TIA1: variants seen among roughly 807,000 people sequenced by gnomAD.
TIA1 encodes TIA1 cytotoxic granule associated RNA binding protein.
TIA1 carries 23 observed loss-of-function variants against 65.9 expected under a neutral mutation model. The observed-to-expected ratio is 0.35, with a 90% CI of 0.25 to 0.49. The LOEUF (loss-of-function observed/expected upper bound fraction) is 0.49, where lower values mean the gene tolerates loss of function less well. Ranked by LOEUF, TIA1 falls within the 20% of genes least tolerant of loss-of-function variation. TIA1 has a pLI of 0.98. For missense variants in TIA1, 371 were observed against 477.9 expected, an observed-to-expected ratio of 0.78 and a Z score of 2.09; for synonymous variants, 147 against 149.4, an observed-to-expected ratio of 0.98 and a Z score of 0.12.
At chr2:70,222,497 G>T (rs1241443018) in intron 7 of TIA1, among the ~76,000 whole-genome samples, 2 of 152,190 alleles carry the variant, frequency 1.3e-5, no homozygotes, top group Non-Finnish European at 2.9e-5. Flanking sequence ...TAGAACATAG[G>T]AAGAGAGGCT....
At chr2:70,213,448 G>A (rs1677183617) in intron 12 of TIA1, among the ~76,000 whole-genome samples, 3 of 149,832 alleles carry the variant, frequency 2.0e-5, no homozygotes, top group East Asian at 2.0e-4. Flanking sequence ...AGGCTCAAGC[G>A]ATTCTCCTAC....
At chr2:70,228,360 T>A in intron 5 of TIA1, 1 of 1,287,574 alleles carries the variant, frequency 7.8e-7, no homozygotes, top group Non-Finnish European at 1.0e-6. Context: ...TTGCAACAGT[T>A]TGATGTTAAA....
Position 70,216,978 on chromosome 2 carries a change from A to G in TIA1, c.491T>C (p.Ile164Thr). The change falls in exon 8 of 13, where the codon ATT (isoleucine) becomes ACT (threonine). Residue 164 changes from isoleucine (I) to threonine (T), a missense_variant. By Grantham distance (89) the Ile-to-Thr change is moderately conservative. Coordinates refer to ENST00000433529, the MANE Select transcript of TIA1 (RefSeq NM_022173.4). ...FFNKWDAENA[I>T]QQMGGQWLGG... ...AAGCCACTGGCCACCCATCTGTTGA[A>G]TGGCGTTTTCAGCATCCTGTTCCGT... The G allele has an allele frequency of 6.2e-7, 1 of 1,613,224 alleles. No individual in the cohort carries two copies. The highest frequency in any genetic ancestry group is 8.5e-7 in the Non-Finnish European group (1 of 1,179,682).
At chr2:70,235,482 T>C (rs1255718058) in intron 2 of TIA1, among the ~76,000 whole-genome samples, 1 of 152,002 alleles carries the variant, frequency 6.6e-6, no homozygotes, top group Non-Finnish European at 1.5e-5. Flanking sequence ...GGGGTAAATG[T>C]TCCCTAAATG....
intron 2 of TIA1, among the ~76,000 whole-genome samples, chr2:70,233,347 T>C (rs1160104820): frequency 1.3e-5 from 2 of 152,218 alleles, no homozygotes; most frequent in Non-Finnish European, 2.9e-5. Flanking sequence ...AAGTTTAATA[T>C]ATTGGGACTA....
intron 7 of TIA1, among the ~76,000 whole-genome samples, chr2:70,219,208 G>C (rs572187824): frequency 6.6e-6 from 1 of 152,250 alleles, no homozygotes; most frequent in Admixed American, 6.5e-5. Flanking sequence ...TGAAAAATGG[G>C]TAAAGGAATA....
At chr2:70,243,032 T>C (rs551001712) in intron 1 of TIA1, among the ~76,000 whole-genome samples, 1 of 152,348 alleles carries the variant, frequency 6.6e-6, no homozygotes, top group African/African-American at 2.4e-5. Flanking sequence ...AAATGTACTG[T>C]CTCAGAATGA....
Position 70,209,507 on chromosome 2 carries a change from G to A in TIA1, c.*3212C>T, listed in dbSNP as rs1287469453. 1 of 397,978 alleles carries A rather than the reference G, an allele frequency of 2.5e-6. No individual in the cohort carries two copies. Among genetic ancestry groups the A allele is most frequent in the Non-Finnish European group, 4.4e-6 (1 of 225,878 alleles). The allele number at this position is 397,978 out of a possible 1,614,324, so 24.7% of individuals were successfully genotyped here. On this transcript the variant is annotated 3_prime_UTR_variant, in exon 13 of 13. Transcript: ENST00000433529. ...TAAATTGAAACTCATCATTTTGGATGTACATTCAAATTCTAAACACAACAG... is the reference window on the plus strand; with the variant it reads ...TAAATTGAAACTCATCATTTTGGATATACATTCAAATTCTAAACACAACAG...
chr2:70,217,692 C>T (rs1006264942), intron 7 of TIA1, among the ~76,000 whole-genome samples: 1 of 152,116 alleles, frequency 6.6e-6, no homozygotes, highest in East Asian at 1.9e-4. Flanking sequence ...CCACTGTGCC[C>T]GGCCCTGGTC....
At chr2:70,217,757 T>A (rs1679301802) in intron 7 of TIA1, among the ~76,000 whole-genome samples, 1 of 152,190 alleles carries the variant, frequency 6.6e-6, no homozygotes, top group African/African-American at 2.4e-5. Context: ...AGTGCTAGGA[T>A]TACAGGCATG....
intron 6 of TIA1, among the ~76,000 whole-genome samples, chr2:70,225,771 A>G (rs1683506431): frequency 6.6e-6 from 1 of 152,196 alleles, no homozygotes; most frequent in African/African-American, 2.4e-5. Flanking sequence ...TATGGTACGC[A>G]TGCATTTAAT....
At chr2:70,235,058 G>A (rs552031899) in intron 2 of TIA1, among the ~76,000 whole-genome samples, 7 of 152,018 alleles carry the variant, frequency 4.6e-5, no homozygotes, top group East Asian at 1.9e-4. Context: ...ACAAACAAAC[G>A]AAAAGTTTAC....
chr2:70,229,258 A>ACTT lies in TIA1; in HGVS notation c.277+3_277+5dup, dbSNP rs1266600719. Reference sequence around the variant, plus strand: ...CAAATGTTCAAAGAGCATAAAATATACTTACTGCTTGTATCTTTCTTTTGA... The same window carrying ACTT: ...CAAATGTTCAAAGAGCATAAAATATACTTCTTACTGCTTGTATCTTTCTTTTGA... On this transcript the variant is annotated splice_donor_region_variant and intron_variant, in intron 4 of 12. Transcript: ENST00000433529. The ACTT allele has an allele frequency of 2.9e-5, 46 of 1,613,596 alleles. No homozygotes were observed. The highest frequency in any genetic ancestry group is 3.6e-5 in the Non-Finnish European group (43 of 1,179,880).
intron 2 of TIA1, among the ~76,000 whole-genome samples, chr2:70,234,878 A>G (rs1355949006): frequency 6.6e-6 from 1 of 152,136 alleles, no homozygotes; most frequent in Non-Finnish European, 1.5e-5. Context: ...ACTTTTAAAA[A>G]TATTAAGTAA....
chr2:70,247,149 A>C (rs991601490), intron 1 of TIA1, among the ~76,000 whole-genome samples: 5 of 152,194 alleles, frequency 3.3e-5, no homozygotes, highest in Non-Finnish European at 5.9e-5. Context: ...CTTTCCTAAA[A>C]CAAAGGTCAT....
rs1463425845 is a variant in TIA1 at position 70,210,668 on chromosome 2, A to C, written c.*2051T>G. 1.3e-5 allele frequency: 2 copies of C among 152,214 alleles called. No homozygotes were observed. The highest frequency in any genetic ancestry group is 2.9e-5 in the Non-Finnish European group (2 of 68,036). 9.4% of individuals were successfully genotyped at this position (152,214 alleles called of 1,614,324 possible). On this transcript the variant is annotated 3_prime_UTR_variant, in exon 13 of 13. Coordinates refer to ENST00000433529, the MANE Select transcript of TIA1 (RefSeq NM_022173.4). ...GCAGTCCATGAGATGCACAGGAAAT[A>C]ATTTTTTTTAATAAGAGAACAATGA...
At chr2:70,227,902 G>T in intron 5 of TIA1, 80 bp from the exon 6 acceptor site, 3 of 891,018 alleles carry the variant, frequency 3.4e-6, no homozygotes, top group Non-Finnish European at 3.5e-6. Flanking sequence ...ATCCAATAAA[G>T]TATTCTTAAA....
chr2:70,230,451 G>C (rs1454046569), intron 3 of TIA1, among the ~76,000 whole-genome samples: 1 of 152,016 alleles, frequency 6.6e-6, no homozygotes, highest in Non-Finnish European at 1.5e-5. Flanking sequence ...AGGAGTTTGA[G>C]ACCAGTCTGG....
At position 70,212,230 on chromosome 2, in the gene TIA1, G is replaced by A. The variant is rs567046885; in HGVS notation, c.*489C>T. 1 of 153,382 alleles carries A rather than the reference G, an allele frequency of 6.5e-6. No individual in the cohort carries two copies. Among genetic ancestry groups the A allele is most frequent in the East Asian group, 1.9e-4 (1 of 5,220 alleles). The allele number at this position is 153,382 out of a possible 1,614,324, so 9.5% of individuals were successfully genotyped here. On this transcript the variant is annotated 3_prime_UTR_variant, in exon 13 of 13. Transcript: ENST00000433529. ...AAGGGATAACAGTGGAGATGGGACA[G>A]CTCAAACAATGCCTTTTTTTAACCT...
Sources: allele counts gnomAD v4.1 joint callset (sites outside exome capture counted in the v4.1 genomes callset), GRCh38; gene constraint gnomAD v4.1.1; transcripts MANE v1.5; gene names NCBI Gene and HGNC (gene_info 2026-07-23, HGNC 2026-07-21).